The following PRIMA1 variants were observed in gnomAD, a reference collection of about 807,000 sequenced individuals.
PRIMA1 encodes the protein proline-rich membrane anchor 1.
Under a neutral mutation model 17.5 loss-of-function variants are expected in PRIMA1, and 7 were observed. The observed-to-expected ratio is 0.40, with a 90% CI of 0.23 to 0.75. The LOEUF is 0.75. Ranked by LOEUF, PRIMA1 falls within the 30% of genes least tolerant of loss-of-function variation. The pLI is 0.37. For synonymous variants in PRIMA1, 97 were observed against 77.9 expected (o/e 1.25, Z -1.29); for missense variants, 200 against 201.8 (o/e 0.99, Z 0.05).
intron 2 of PRIMA1, among the ~76,000 whole-genome samples, chr14:93,787,386 T>G (rs1418900377): frequency 6.6e-6 from 1 of 152,222 alleles, no homozygotes; most frequent in Admixed American, 6.5e-5. Flanking sequence ...TCTGAGCCCC[T>G]TTCCATTCCA....
intron 3 of PRIMA1, among the ~76,000 whole-genome samples, chr14:93,756,982 C>T (rs928869013): frequency 3.9e-5 from 6 of 152,218 alleles, no homozygotes; most frequent in Non-Finnish European, 8.8e-5. Flanking sequence ...CATTCCCGCT[C>T]AGTGTCCTTC....
chr14:93,786,934 T>C (rs1050875017), intron 2 of PRIMA1, among the ~76,000 whole-genome samples: 4 of 152,178 alleles, frequency 2.6e-5, no homozygotes, highest in African/African-American at 9.7e-5. Flanking sequence ...TCCCAGCTGG[T>C]GAGGGACAGA....
At chr14:93,760,254 T>C (rs1051170996) in intron 3 of PRIMA1, among the ~76,000 whole-genome samples, 18 of 152,168 alleles carry the variant, frequency 1.2e-4, no homozygotes, top group African/African-American at 3.1e-4. Context: ...GTGAGATTCA[T>C]TGTCCTACCT....
intron 3 of PRIMA1, among the ~76,000 whole-genome samples, chr14:93,741,438 C>T (rs1319427152): frequency 6.6e-6 from 1 of 152,190 alleles, no homozygotes; most frequent in East Asian, 1.9e-4. Context: ...TGTGTACAGA[C>T]TGATGGTTCA....
intron 3 of PRIMA1, among the ~76,000 whole-genome samples, chr14:93,775,473 T>C (rs1298792410): frequency 6.6e-6 from 1 of 152,206 alleles, no homozygotes; most frequent in Non-Finnish European, 1.5e-5. Flanking sequence ...GGCACTTGTT[T>C]TTTTTGTTTG....
At chr14:93,765,037 C>T (rs550446714) in intron 3 of PRIMA1, among the ~76,000 whole-genome samples, 1 of 152,240 alleles carries the variant, frequency 6.6e-6, no homozygotes, top group South Asian at 2.1e-4. Context: ...GCACCCTTTA[C>T]TGGCTACTGT....
chr14:93,722,077 G>C (rs1049183643), intron 4 of PRIMA1, among the ~76,000 whole-genome samples: 50 of 93,368 alleles, frequency 5.4e-4, no homozygotes, highest in East Asian at 4.2e-3. Context: ...GGTGATGGTG[G>C]TAGTGGTGAT....
chr14:93,776,175 C>T (rs1885216686), intron 3 of PRIMA1, among the ~76,000 whole-genome samples: 1 of 152,214 alleles, frequency 6.6e-6, no homozygotes, highest in Admixed American at 6.5e-5. Context: ...AAATCCAATA[C>T]CGTCATCATT....
chr14:93,743,589 T>C (rs955411788), intron 3 of PRIMA1, among the ~76,000 whole-genome samples: 2 of 152,252 alleles, frequency 1.3e-5, no homozygotes, highest in African/African-American at 4.8e-5. Context: ...AAGGAGCCGA[T>C]GTCGGTGAAT....
chr14:93,751,092 C>T (rs530042185), intron 3 of PRIMA1, among the ~76,000 whole-genome samples: 9 of 152,302 alleles, frequency 5.9e-5, no homozygotes, highest in East Asian at 3.9e-4. Context: ...ACCTGCTGGC[C>T]GGGACGCAGG....
chr14:93,726,159 C>T lies in PRIMA1; in HGVS notation c.360-4613G>A, dbSNP rs984827681. On this transcript the variant is annotated intron_variant, in intron 4 of 4. Coordinates refer to ENST00000393140, the MANE Select transcript of PRIMA1 (RefSeq NM_178013.4). The surrounding 1 kb of genome is among the most constrained non-coding windows in gnomAD (Gnocchi z 4.2). ...CCCACATTCCCTGCTCGGAGTGCCGCGCGGACAGCTCCAGCCGCACATGCC... is the reference window on the plus strand; with the variant it reads ...CCCACATTCCCTGCTCGGAGTGCCGTGCGGACAGCTCCAGCCGCACATGCC... Among the ~76,000 whole-genome samples the T allele has an allele frequency of 7.9e-5, 12 of 152,166 alleles. No individual in the cohort carries two copies. Among genetic ancestry groups the T allele is most frequent in the Non-Finnish European group, 1.5e-4 (10 of 68,028 alleles).
In PRIMA1 at chr14:93,779,296, G is replaced by T; in HGVS notation, c.109C>A (p.Pro37Thr). 1 of 1,555,164 alleles carries T rather than the reference G, an allele frequency of 6.4e-7. No homozygotes were observed. The change falls in exon 3 of 5, where the codon CCC becomes ACC. Residue 37 changes from proline to threonine, a missense_variant. Physicochemically the swap from Pro to Thr is conservative, Grantham distance 38. Coordinates refer to ENST00000393140, the MANE Select transcript of PRIMA1 (RefSeq NM_178013.4). ...WGFVQVTHGEPQKSCSKVTDS... is the reference protein window; with the variant it reads ...WGFVQVTHGETQKSCSKVTDS... ...GTCACTTTGGAGCAGGACTTCTGGG[G>T]CTCACCATGCGTCACCTGTACACAT...
chr14:93,772,263 T>C (rs1885091682), intron 3 of PRIMA1, among the ~76,000 whole-genome samples: 1 of 152,260 alleles, frequency 6.6e-6, no homozygotes, highest in African/African-American at 2.4e-5. Context: ...TTGTGTGACC[T>C]TTGAGGAGTC....
chr14:93,747,716 G>A (rs1033198642), intron 3 of PRIMA1, among the ~76,000 whole-genome samples: 3 of 151,652 alleles, frequency 2.0e-5, no homozygotes, highest in Non-Finnish European at 2.9e-5. Context: ...GTGAGTGTAT[G>A]AGTGTGTATA....
chr14:93,754,470 G>T (rs72694721), intron 3 of PRIMA1, among the ~76,000 whole-genome samples: 9 of 152,044 alleles, frequency 5.9e-5, no homozygotes, highest in African/African-American at 2.2e-4. Flanking sequence ...TCTGGTCCCC[G>T]CCTTCTCCAG....
intron 3 of PRIMA1, among the ~76,000 whole-genome samples, chr14:93,749,196 C>A (rs2076245549): frequency 6.6e-6 from 1 of 152,172 alleles, no homozygotes; most frequent in Admixed American, 6.5e-5. Flanking sequence ...GCTGCAGACG[C>A]ACGGCTGCGC....
intron 3 of PRIMA1, among the ~76,000 whole-genome samples, chr14:93,740,001 G>T (rs1224079200): frequency 1.3e-5 from 2 of 151,888 alleles, no homozygotes; most frequent in Non-Finnish European, 2.9e-5. Flanking sequence ...GGAGGTGGAG[G>T]TTGCAGTGAG....
intron 3 of PRIMA1, among the ~76,000 whole-genome samples, chr14:93,745,407 C>T (rs1369467111): frequency 6.6e-6 from 1 of 152,212 alleles, no homozygotes; most frequent in Non-Finnish European, 1.5e-5. Flanking sequence ...CACTGCTGTA[C>T]GAGTGGCCCT....
At chr14:93,753,288 ACTGT>A (rs927760931) in intron 3 of PRIMA1, among the ~76,000 whole-genome samples, 2 of 152,326 alleles carry the variant, frequency 1.3e-5, no homozygotes, top group African/African-American at 4.8e-5. Context: ...GTGCAGTGGA[ACTGT>A]CTGTAACAGG....
Sources: gnomAD v4.1 joint callset for allele counts (sites outside exome capture counted in the v4.1 genomes callset) on GRCh38, gnomAD v4.1.1 for gene constraint, Gnocchi (gnomAD v3.1) non-coding constraint, MANE v1.5 for transcripts, NCBI Gene and HGNC (gene_info 2026-07-23, HGNC 2026-07-21) for gene names.